The following BRINP2 variants were observed in gnomAD, a reference collection of about 807,000 sequenced individuals.
BRINP2 encodes the protein BMP/retinoic acid inducible neural specific 2.
BRINP2 carries 21 observed loss-of-function variants against 69.2 expected under a neutral mutation model. That is an observed-to-expected ratio of 0.30 (90% CI 0.22 to 0.44). BRINP2 has a LOEUF of 0.44. Ranked by LOEUF, BRINP2 falls within the 20% of genes least tolerant of loss-of-function variation. The probability of loss-of-function intolerance (pLI) is 1.00; values close to 1 mark genes in which losing one functional copy is unlikely to be tolerated. For missense variants in BRINP2, 877 were observed against 986.0 expected (o/e 0.89, Z 1.48); for synonymous variants, 380 against 394.1 (o/e 0.96, Z 0.42).
Position 177,280,907 on chromosome 1 carries a change from C to T in BRINP2, c.1731C>T (p.Thr577=). Residue 577 remains threonine, a synonymous_variant, in exon 8 of 8, where the codon ACC becomes ACT. Coordinates refer to ENST00000361539, the MANE Select transcript of BRINP2 (RefSeq NM_021165.4). ...CCTTGTCCTTGCAGATCTGTCTCACCAAGAACAGCACCCTGGAGCCTGTCA... is the reference window on the plus strand; with the variant it reads ...CCTTGTCCTTGCAGATCTGTCTCACTAAGAACAGCACCCTGGAGCCTGTCA... ...MLALSLQICL[T]KNSTLEPVMA... is the part of the protein sequence containing the mutation. 6.2e-7 allele frequency: 1 copy of T among 1,614,182 alleles called. No homozygotes were observed. Among genetic ancestry groups the T allele is most frequent in the Non-Finnish European group, 8.5e-7 (1 of 1,180,030 alleles).
intron 1 of BRINP2, among the ~76,000 whole-genome samples, chr1:177,185,188 T>C (rs1648391858): frequency 6.6e-6 from 1 of 151,974 alleles, no homozygotes; most frequent in African/African-American, 2.4e-5. Context: ...GAACGTGCCC[T>C]CCTTTCCACC....
intron 4 of BRINP2, among the ~76,000 whole-genome samples, chr1:177,268,441 T>C (rs1001150323): frequency 6.6e-6 from 1 of 152,206 alleles, no homozygotes; most frequent in African/African-American, 2.4e-5. Context: ...TACTCTGCCT[T>C]GGTGGAGGAA....
At chr1:177,275,390 C>T (rs1445928498) in intron 5 of BRINP2, among the ~76,000 whole-genome samples, 1 of 152,178 alleles carries the variant, frequency 6.6e-6, no homozygotes, top group Non-Finnish European at 1.5e-5. Flanking sequence ...CATTGACCAC[C>T]ATCCCACCTT....
At chr1:177,187,033 C>T (rs1431307791) in intron 1 of BRINP2, among the ~76,000 whole-genome samples, 1 of 152,174 alleles carries the variant, frequency 6.6e-6, no homozygotes, top group Non-Finnish European at 1.5e-5. Context: ...CTCTCAACCA[C>T]TTAGAAAAGG....
At chr1:177,262,653 A>C (rs1240865235) in intron 4 of BRINP2, among the ~76,000 whole-genome samples, 1 of 152,228 alleles carries the variant, frequency 6.6e-6, no homozygotes, top group Non-Finnish European at 1.5e-5. Flanking sequence ...CAGAGGGCAC[A>C]AAGACAAATG....
chr1:177,272,430 G>T (rs1358192230), intron 4 of BRINP2, among the ~76,000 whole-genome samples: 1 of 152,224 alleles, frequency 6.6e-6, no homozygotes, highest in Admixed American at 6.5e-5. Context: ...AGTACCTACT[G>T]TGTGCCAGAA....
chr1:177,196,910 T>A lies in BRINP2; in HGVS notation c.-77+25178T>A, dbSNP rs55879849. Among the ~76,000 whole-genome samples, 418 of 152,208 alleles carry A rather than the reference T, an allele frequency of 2.7e-3. 5 individuals are homozygous for A. Among genetic ancestry groups the A allele is most frequent in the African/African-American group, 9.7e-3 (404 of 41,540 alleles). On this transcript the variant is annotated intron_variant, in intron 1 of 7. Coordinates refer to ENST00000361539, the MANE Select transcript of BRINP2 (RefSeq NM_021165.4). ...TGAAAAGAAGAAAAAAATCCTTCCA[T>A]CCTGCTATGAACTGAATTGCTCCCC...
At chr1:177,280,153 T>A (rs1320783015) in intron 7 of BRINP2, among the ~76,000 whole-genome samples, 1 of 152,192 alleles carries the variant, frequency 6.6e-6, no homozygotes, top group Non-Finnish European at 1.5e-5. Context: ...AAGTAGGACT[T>A]GGGAGAGATG....
chr1:177,270,719 G>A (rs184552953), intron 4 of BRINP2, among the ~76,000 whole-genome samples: 15 of 152,264 alleles, frequency 9.9e-5, no homozygotes, highest in Middle Eastern at 3.4e-3. Context: ...ACCCAATGAC[G>A]ACGGAGTGGG....
intron 1 of BRINP2, among the ~76,000 whole-genome samples, chr1:177,196,401 T>G (rs527568293): frequency 6.6e-6 from 1 of 152,234 alleles, no homozygotes; most frequent in Admixed American, 6.5e-5. Flanking sequence ...GTGGATCACC[T>G]GAGGTCGGGA....
intron 1 of BRINP2, among the ~76,000 whole-genome samples, chr1:177,191,698 C>T (rs1648600364): frequency 6.6e-6 from 1 of 152,142 alleles, no homozygotes; most frequent in African/African-American, 2.4e-5. Context: ...TTGTGATCCA[C>T]CTGCCTCGGC....
At chr1:177,214,189 T>C (rs1371619370) in intron 1 of BRINP2, among the ~76,000 whole-genome samples, 1 of 152,134 alleles carries the variant, frequency 6.6e-6, no homozygotes, top group Non-Finnish European at 1.5e-5. Context: ...CCCAGCACTT[T>C]GGGAGGCCGA....
rs529456398 is a variant in BRINP2, at chr1:177,264,183, A to C, written c.669+6799A>C. On this transcript the variant is annotated intron_variant, in intron 4 of 7. Coordinates refer to ENST00000361539, the MANE Select transcript of BRINP2 (RefSeq NM_021165.4). ...GGTCTACAACTTAAAGATCCCATTT[A>C]TGTTCCTTCCTGTTCCTTGACCTGA... 8.8e-4 allele frequency among the ~76,000 whole-genome samples: 134 copies of C among 152,296 alleles called. 1 individual carries two copies. The highest frequency in any genetic ancestry group is 3.4e-3 in the Middle Eastern group (1 of 294).
intron 2 of BRINP2, among the ~76,000 whole-genome samples, chr1:177,230,640 A>C (rs1649839117): frequency 6.6e-6 from 1 of 152,078 alleles, no homozygotes; most frequent in African/African-American, 2.4e-5. Context: ...CCTTGTCAAC[A>C]CCCCAGGCTC....
Position 177,230,066 on chromosome 1 carries a change from C to A in BRINP2, c.190C>A (p.Pro64Thr). 1 of 1,613,834 alleles carries A rather than the reference C, an allele frequency of 6.2e-7. No homozygotes were observed. The highest frequency in any genetic ancestry group is 8.5e-7 in the Non-Finnish European group (1 of 1,180,014). Reference sequence around the variant, plus strand: ...GGACTGGCTGCTCACAGACCGGGGCCCCTTCCACCGCGCTCAGGAGTATGC... The same window carrying A: ...GGACTGGCTGCTCACAGACCGGGGCACCTTCCACCGCGCTCAGGAGTATGC... ...PLDWLLTDRGPFHRAQEYADF... is the reference protein window; with the variant it reads ...PLDWLLTDRGTFHRAQEYADF... Residue 64 changes from proline to threonine, a missense_variant, in exon 2 of 8, where the codon CCC becomes ACC. Physicochemically the swap from Pro to Thr is conservative, Grantham distance 38. Coordinates refer to ENST00000361539, the MANE Select transcript of BRINP2 (RefSeq NM_021165.4).
Position 177,230,164 on chromosome 1 carries a change from T to C in BRINP2, c.269+19T>C. ...TTTATAGGTAAGTGGGGGCCTCCACTGAGACAGGGGCTTCCCTAAGAACCC... is the reference window on the plus strand; with the variant it reads ...TTTATAGGTAAGTGGGGGCCTCCACCGAGACAGGGGCTTCCCTAAGAACCC... On this transcript the variant is annotated intron_variant, in intron 2 of 7. Transcript: ENST00000361539. 1.3e-6 allele frequency: 2 copies of C among 1,576,446 alleles called. No homozygotes were observed. The highest frequency in any genetic ancestry group is 2.3e-5 in the South Asian group (2 of 85,402).
At position 177,185,111 on chromosome 1, in the gene BRINP2, G is replaced by A. The variant is rs192655769; in HGVS notation, c.-77+13379G>A. Among the ~76,000 whole-genome samples, 105 of 151,964 alleles carry A rather than the reference G, an allele frequency of 6.9e-4. 1 individual carries two copies. The highest frequency in any genetic ancestry group is 2.3e-3 in the African/African-American group (96 of 41,416). ...ATACTCGGTTTGGTAGAATATTAAC[G>A]TCGCCTAAGTGGTTAATGGTTGTCA... On this transcript the variant is annotated intron_variant, in intron 1 of 7. Coordinates refer to ENST00000361539, the MANE Select transcript of BRINP2 (RefSeq NM_021165.4).
intron 1 of BRINP2, among the ~76,000 whole-genome samples, chr1:177,198,636 A>G (rs1026212978): frequency 3.3e-5 from 5 of 152,222 alleles, no homozygotes; most frequent in Non-Finnish European, 7.3e-5. Context: ...AACTAGCCAG[A>G]GAAGAGATGT....
Position 177,257,211 on chromosome 1 carries a change from A to G in BRINP2, c.496A>G (p.Lys166Glu), listed in dbSNP as rs1363230314. The change falls in exon 4 of 8, where the codon AAA (lysine) becomes GAA (glutamate). Residue 166 changes from lysine to glutamate, a missense_variant. Around this residue, in one of 3 missense-constraint regions of BRINP2, gnomAD observed 566 missense variants for 625.2 expected, o/e 0.91. Transcript: ENST00000361539. ...CCTGACCATTTTTGTGGACAAGCAG[A>G]AACTGGGAAGAAAGACAGAGACAAC... ...ESLTIFVDKQ[K>E]LGRKTETTGG... 3 of 1,613,972 alleles carry G rather than the reference A, an allele frequency of 1.9e-6. No individual in the cohort carries two copies. The highest frequency in any genetic ancestry group is 2.5e-6 in the Non-Finnish European group (3 of 1,180,020).
Sources: allele counts gnomAD v4.1 joint callset (sites outside exome capture counted in the v4.1 genomes callset), GRCh38; gene constraint gnomAD v4.1.1; regional missense constraint gnomAD v4.1.1; transcripts MANE v1.5; gene names NCBI Gene and HGNC (gene_info 2026-07-23, HGNC 2026-07-21).